SNUPN: variants seen among roughly 807,000 people sequenced by gnomAD.
SNUPN encodes the protein snurportin 1.
In SNUPN, 31 loss-of-function variants were observed where a neutral mutation model predicts 39.2. The observed-to-expected ratio is 0.79, with a 90% confidence interval of 0.59 to 1.07. The LOEUF (loss-of-function observed/expected upper bound fraction) is 1.07. Among genes scored for constraint, SNUPN ranks in the 50% least tolerant of loss-of-function variants. The probability of loss-of-function intolerance (pLI) is 0.00; values close to 1 mark genes in which losing one functional copy is unlikely to be tolerated. For missense variants in SNUPN, 382 were observed against 434.2 expected (o/e 0.88, Z 1.07); for synonymous variants, 132 against 159.0 (o/e 0.83, Z 1.28).
intron 4 of SNUPN, 95 bp from the exon 5 acceptor site, chr15:75,609,746 G>T: frequency 8.6e-7 from 1 of 1,156,746 alleles, no homozygotes. Context: ...GACCAAAGAT[G>T]GCTCTCAACA....
chr15:75,605,824 AC>A (rs2075326715), intron 6 of SNUPN, among the ~76,000 whole-genome samples: 1 of 152,126 alleles, frequency 6.6e-6, no homozygotes, highest in South Asian at 2.1e-4. Context: ...GGTACTTAAG[AC>A]CTGTGCTTCT....
chr15:75,602,678 T>C (rs775551650), intron 7 of SNUPN, among the ~76,000 whole-genome samples: 1 of 151,556 alleles, frequency 6.6e-6, no homozygotes, highest in Admixed American at 6.6e-5. Flanking sequence ...CAATCACAGC[T>C]CACTGCAGCC....
chr15:75,608,902 G>T (rs1178125501), intron 5 of SNUPN, among the ~76,000 whole-genome samples: 1 of 152,050 alleles, frequency 6.6e-6, no homozygotes, highest in Non-Finnish European at 1.5e-5. Context: ...AATTTGGGAG[G>T]CCAAGGTGGG....
chr15:75,626,176 C>T (rs1185859223), upstream of SNUPN: 1 of 152,332 alleles, frequency 6.6e-6, no homozygotes, highest in African/African-American at 2.4e-5. Flanking sequence ...TAACCCCTCA[C>T]ACCCAAGTTT....
intron 3 of SNUPN, among the ~76,000 whole-genome samples, chr15:75,615,810 A>G (rs1057489735): frequency 2.1e-4 from 31 of 151,014 alleles, no homozygotes; most frequent in Non-Finnish European, 3.5e-4. Flanking sequence ...GGGTTTCACC[A>G]TGTTAGCCAG....
At position 75,600,280 on chromosome 15, in the gene SNUPN, GT is replaced by G. The variant is rs1312224462; in HGVS notation, c.759+857del. Among the ~76,000 whole-genome samples the G allele has an allele frequency of 8.2e-4, 115 of 140,742 alleles. 1 individual carries two copies. The highest frequency in any genetic ancestry group is 1.6e-3 in the African/African-American group (63 of 38,518). 92.3% of individuals were successfully genotyped at this position (140,742 alleles called of 152,430 possible). A position where few individuals can be genotyped will look rare whatever the true frequency, so the allele number is the denominator to read the frequency against. On this transcript the variant is annotated intron_variant, in intron 8 of 8. Coordinates refer to ENST00000308588, the MANE Select transcript of SNUPN (RefSeq NM_005701.4). ...TCTGGGGCTGTGAGGTTTGTTTTTT[GT>G]TTTTTTTTTTTGAGACAGAGTCTTG... is the stretch of plus-strand genomic sequence containing the variant.
Position 75,605,221 on chromosome 15 carries a change from A to G in SNUPN, c.607T>C (p.Phe203Leu). The change falls in exon 7 of 9, where the codon TTC becomes CTC. Residue 203 changes from phenylalanine to leucine, a missense_variant. By Grantham distance (22) the Phe-to-Leu change is conservative. Transcript: ENST00000308588. Reference sequence around the variant, plus strand: ...TTTGAATGCATCCAGTAGAATCGGAAATCAGTCTGCCACAGAGAAGGGAAA... The same window carrying G: ...TTTGAATGCATCCAGTAGAATCGGAGATCAGTCTGCCACAGAGAAGGGAAA... ...GHPFYDCQTD[F>L]RFYWMHSKLP... is the part of the protein sequence containing the mutation. 17 of 1,611,366 alleles carry G rather than the reference A, an allele frequency of 1.1e-5. No individual in the cohort carries two copies. The highest frequency in any genetic ancestry group is 1.4e-5 in the Non-Finnish European group (17 of 1,177,764).
Position 75,598,212 on chromosome 15 carries a change from C to T in SNUPN, c.*146G>A. On this transcript the variant is annotated 3_prime_UTR_variant, in exon 9 of 9. Coordinates refer to ENST00000308588, the MANE Select transcript of SNUPN (RefSeq NM_005701.4). ...CCCATAACTGTTTGAGCCAGCATTT[C>T]AGATTATAGATAAGCTGTTTCCAGC... The T allele has an allele frequency of 1.6e-6, 1 of 643,622 alleles. No individual in the cohort carries two copies. The highest frequency in any genetic ancestry group is 2.1e-5 in the South Asian group (1 of 48,234). The allele number at this position is 643,622 out of a possible 1,614,324, so 39.9% of individuals were successfully genotyped here. A position where few individuals can be genotyped will look rare whatever the true frequency, so the allele number is the denominator to read the frequency against.
intron 3 of SNUPN, among the ~76,000 whole-genome samples, chr15:75,613,744 C>A (rs1892859880): frequency 6.6e-6 from 1 of 151,886 alleles, no homozygotes; most frequent in East Asian, 1.9e-4. Context: ...CACTTCACAC[C>A]CACTAGGATG....
intron 3 of SNUPN, among the ~76,000 whole-genome samples, chr15:75,616,542 T>G (rs1351669248): frequency 6.6e-6 from 1 of 152,080 alleles, no homozygotes; most frequent in African/African-American, 2.4e-5. Context: ...CCTCCCACCT[T>G]GGCCTCCCAA....
At chr15:75,611,731 C>T (rs545175720) in intron 3 of SNUPN, among the ~76,000 whole-genome samples, 2 of 151,634 alleles carry the variant, frequency 1.3e-5, no homozygotes, top group South Asian at 2.1e-4. Context: ...GGCATGCACC[C>T]GTAGTCCCAG....
At chr15:75,625,550 C>A (rs1893204665) in intron 1 of SNUPN, 116 bp downstream of exon 1, 1 of 152,226 alleles carries the variant, frequency 6.6e-6, no homozygotes, top group Admixed American at 6.6e-5. Flanking sequence ...TGGCTCTATC[C>A]CTCCAGATGA....
At chr15:75,618,755 A>G (rs2141376803) in intron 2 of SNUPN, among the ~76,000 whole-genome samples, 1 of 152,212 alleles carries the variant, frequency 6.6e-6, no homozygotes, top group African/African-American at 2.4e-5. Flanking sequence ...CTCGAGAATA[A>G]AAGAGCTGGT....
intron 7 of SNUPN, among the ~76,000 whole-genome samples, chr15:75,602,623 T>G (rs2075297906): frequency 6.6e-6 from 1 of 151,976 alleles, no homozygotes; most frequent in African/African-American, 2.4e-5. Context: ...TTGTTTTTTT[T>G]GAGACAGAGT....
At chr15:75,601,648 T>C (rs943084455) in intron 7 of SNUPN, among the ~76,000 whole-genome samples, 11 of 152,108 alleles carry the variant, frequency 7.2e-5, no homozygotes, top group African/African-American at 2.6e-4. Flanking sequence ...GGGAGGCTGC[T>C]GAGGTAGAAG....
intron 1 of SNUPN, among the ~76,000 whole-genome samples, chr15:75,624,216 C>T (rs1329584459): frequency 6.6e-6 from 1 of 150,610 alleles, no homozygotes; most frequent in Non-Finnish European, 1.5e-5. Context: ...CGTGAGCCAC[C>T]GCGCCCGGCC....
chr15:75,623,654 T>C (rs1893134141), intron 1 of SNUPN, among the ~76,000 whole-genome samples: 2 of 151,796 alleles, frequency 1.3e-5, no homozygotes, highest in Non-Finnish European at 2.9e-5. Flanking sequence ...TATGTTGGCG[T>C]GGCTGGTCTG....
chr15:75,609,766 G>T, intron 4 of SNUPN, 115 bp from the exon 5 acceptor site: 2 of 1,136,936 alleles, frequency 1.8e-6, no homozygotes, highest in South Asian at 1.3e-5. Flanking sequence ...AAACCTTCCT[G>T]CAGGAAAGTG....
chr15:75,609,225 C>T (rs1325480943), intron 5 of SNUPN, among the ~76,000 whole-genome samples: 5 of 143,916 alleles, frequency 3.5e-5, no homozygotes, highest in Middle Eastern at 3.9e-3. Flanking sequence ...CTCTGTCGCC[C>T]AGGCCGGACT....
Sources: allele counts gnomAD v4.1 joint callset (sites outside exome capture counted in the v4.1 genomes callset), GRCh38; gene constraint gnomAD v4.1.1; transcripts MANE v1.5; gene names NCBI Gene and HGNC (gene_info 2026-07-23, HGNC 2026-07-21).